The following IL1RL2 variants were observed in gnomAD, a reference collection of about 807,000 sequenced individuals.
The protein encoded by IL1RL2 is interleukin-1 receptor-like 2.
IL1RL2 carries 68 observed loss-of-function variants against 66.8 expected under a neutral mutation model. The ratio of observed to expected loss-of-function variants is 1.02; its 90% CI spans 0.84 to 1.25. The LOEUF is 1.25. IL1RL2 is among the 50% of genes most tolerant of loss of function. IL1RL2 has a pLI of 0.00. For missense variants in IL1RL2, 729 were observed against 709.3 expected (o/e 1.03, Z -0.32); for synonymous variants, 305 against 264.6 (o/e 1.15, Z -1.48).
Position 102,232,970 on chromosome 2 carries a change from G to A in IL1RL2, c.1143G>A (p.Lys381=). The change falls in exon 10 of 12, where the codon AAG becomes AAA. Residue 381 remains lysine (K), a synonymous_variant. Coordinates refer to ENST00000264257, the MANE Select transcript of IL1RL2 (RefSeq NM_003854.4). ...TGTCCAATTCCTTTTCAGATGGGAA[G>A]CTGTATGACGCCTATGTCTTATACC... ...FHSTETIVDG[K]LYDAYVLYPK... The A allele has an allele frequency of 6.2e-7, 1 of 1,606,588 alleles. No individual in the cohort carries two copies. Among genetic ancestry groups the A allele is most frequent in the South Asian group, 1.1e-5 (1 of 90,364 alleles).
intron 8 of IL1RL2, among the ~76,000 whole-genome samples, chr2:102,222,677 A>G (rs1450108681): frequency 2.0e-5 from 3 of 152,182 alleles, no homozygotes; most frequent in African/African-American, 7.2e-5. Context: ...AATGTGCGGT[A>G]GGTCAGTGAG....
intron 6 of IL1RL2, among the ~76,000 whole-genome samples, chr2:102,215,904 GA>G (rs1689574130): frequency 1.3e-5 from 2 of 152,146 alleles, no homozygotes; most frequent in Non-Finnish European, 2.9e-5. Context: ...CATAAAATTA[GA>G]AGAGGTGACT....
chr2:102,210,639 G>T (rs1263024743), intron 5 of IL1RL2, among the ~76,000 whole-genome samples: 1 of 152,146 alleles, frequency 6.6e-6, no homozygotes, highest in Non-Finnish European at 1.5e-5. Flanking sequence ...GAGAAATATG[G>T]CAAGGTCAAA....
In IL1RL2 at chr2:102,237,593, G is replaced by A. The variant is rs762377180; in HGVS notation, c.1679-1599G>A. On this transcript the variant is annotated intron_variant, in intron 11 of 11. Transcript: ENST00000264257. Reference sequence around the variant, plus strand: ...GAAACAGCCTGTTTTAATTAAACTAGCGAATCCTCCATGAGGAATAACGAC... The same window carrying A: ...GAAACAGCCTGTTTTAATTAAACTAACGAATCCTCCATGAGGAATAACGAC... Among the ~76,000 whole-genome samples, 30 of 152,336 alleles carry A rather than the reference G, an allele frequency of 2.0e-4. No individual in the cohort carries two copies. The South Asian group carries it at 2.3e-3, about 12-fold the overall frequency.
At chr2:102,227,160 G>A (rs1422100276) in intron 9 of IL1RL2, among the ~76,000 whole-genome samples, 1 of 152,176 alleles carries the variant, frequency 6.6e-6, no homozygotes, top group Non-Finnish European at 1.5e-5. Flanking sequence ...CTGCTCTAAA[G>A]TCCCCTAATT....
Position 102,195,619 on chromosome 2 carries a change from T to C in IL1RL2, c.489+3499T>C, listed in dbSNP as rs866651551. ...TTTCTTTCTTTCTTTCTTTCTTTCTTTCTTTCTTTCTCTCTCTCTCTCTCT... is the reference window on the plus strand; with the variant it reads ...TTTCTTTCTTTCTTTCTTTCTTTCTCTCTTTCTTTCTCTCTCTCTCTCTCT... On this transcript the variant is annotated intron_variant, in intron 4 of 11. Transcript: ENST00000264257. Among the ~76,000 whole-genome samples, 30 of 14,230 alleles carry C rather than the reference T, an allele frequency of 2.1e-3. 1 individual carries two copies. Among genetic ancestry groups the C allele is most frequent in the Non-Finnish European group, 4.2e-3 (22 of 5,294 alleles). 9.3% of individuals were successfully genotyped at this position (14,230 alleles called of 152,430 possible).
intron 4 of IL1RL2, among the ~76,000 whole-genome samples, chr2:102,196,231 A>T (rs1178522321): frequency 6.6e-6 from 1 of 152,142 alleles, no homozygotes; most frequent in Non-Finnish European, 1.5e-5. Flanking sequence ...CCTTCTGCTA[A>T]CTGAAGCAGG....
At chr2:102,233,202 C>T (rs1183841044) in intron 10 of IL1RL2, 78 bp downstream of exon 10, 38 of 1,373,830 alleles carry the variant, frequency 2.8e-5, no homozygotes, top group South Asian at 4.0e-5. Context: ...TTACTAATGG[C>T]GGTGACTCTG....
chr2:102,192,863 T>C (rs1687353090), intron 4 of IL1RL2, among the ~76,000 whole-genome samples: 1 of 152,232 alleles, frequency 6.6e-6, no homozygotes, highest in Non-Finnish European at 1.5e-5. Flanking sequence ...GTGAAAGAAT[T>C]ACGCAAATTT....
chr2:102,234,934 C>A lies in IL1RL2; in HGVS notation c.1335C>A (p.Cys445Ter). 1 of 1,614,134 alleles carries A rather than the reference C, an allele frequency of 6.2e-7. No homozygotes were observed. Residue 445 changes from cysteine to a stop codon, truncating the protein, a stop_gained, in exon 11 of 12, where the codon TGC becomes TGA. Coordinates refer to ENST00000264257, the MANE Select transcript of IL1RL2 (RefSeq NM_003854.4). LOFTEE classifies it high-confidence loss of function. ...TCATCGATGAAAACGTTAAGCTGTG[C>A]AGGAGGCTGATTGTCATTGTGGTCC... The part of the protein sequence containing the change: ...ANVIDENVKL[C>*]RRLIVIVVPE...
At chr2:102,236,185 T>A (rs974608188) in intron 11 of IL1RL2, among the ~76,000 whole-genome samples, 19 of 152,334 alleles carry the variant, frequency 1.2e-4, no homozygotes, top group African/African-American at 4.6e-4. Context: ...TCCAAGACCC[T>A]GGCCTGAGGG....
At chr2:102,193,681 C>T (rs1687424559) in intron 4 of IL1RL2, among the ~76,000 whole-genome samples, 1 of 152,196 alleles carries the variant, frequency 6.6e-6, no homozygotes, top group Non-Finnish European at 1.5e-5. Context: ...TTCCTACAAC[C>T]TTGTGTTGAA....
At chr2:102,213,835 C>A (rs529963815) in intron 6 of IL1RL2, among the ~76,000 whole-genome samples, 1 of 151,878 alleles carries the variant, frequency 6.6e-6, no homozygotes, top group South Asian at 2.1e-4. Flanking sequence ...AGAATCTGTC[C>A]CAGAGTTGGT....
rs541059048 is a variant in IL1RL2, at chr2:102,197,908, A to C, written c.490-3648A>C. 5.3e-5 allele frequency among the ~76,000 whole-genome samples: 8 copies of C among 152,284 alleles called. No individual in the cohort carries two copies. In the East Asian group the frequency reaches 1.5e-3, roughly 29 times the overall value. ...TTCCCCACTTTCCAGATTGTGGTAG[A>C]GGTAGCGGCTCTCAGGGCAAGCTAC... On this transcript the variant is annotated intron_variant, in intron 4 of 11. Coordinates refer to ENST00000264257, the MANE Select transcript of IL1RL2 (RefSeq NM_003854.4).
intron 5 of IL1RL2, among the ~76,000 whole-genome samples, chr2:102,202,783 A>C (rs562753355): frequency 2.1e-3 from 313 of 152,210 alleles, no homozygotes; most frequent in African/African-American, 7.4e-3. Flanking sequence ...TTTCTTGTGG[A>C]GTCTTTAGGT....
chr2:102,209,770 C>T (rs1337216569), intron 5 of IL1RL2, among the ~76,000 whole-genome samples: 1 of 152,140 alleles, frequency 6.6e-6, no homozygotes, highest in Non-Finnish European at 1.5e-5. Context: ...GGCCTGGCAG[C>T]TTGGAGACCA....
chr2:102,240,195 G>A (rs1040481866), downstream of IL1RL2, among the ~76,000 whole-genome samples: 3 of 152,056 alleles, frequency 2.0e-5, no homozygotes, highest in East Asian at 5.8e-4. Flanking sequence ...CTGTGATTGA[G>A]GCTATAGAGA....
chr2:102,201,602 G>A lies in IL1RL2; in HGVS notation c.536G>A (p.Arg179Lys). Residue 179 changes from arginine (R) to lysine (K), a missense_variant, in exon 5 of 12, where the codon AGG becomes AAG. Physicochemically the swap from Arg to Lys is conservative, Grantham distance 26 (BLOSUM62 2). Coordinates refer to ENST00000264257, the MANE Select transcript of IL1RL2 (RefSeq NM_003854.4). ...KGERFTVLETRLLVSNVSAED... is the reference protein window; with the variant it reads ...KGERFTVLETKLLVSNVSAED... ...GAGCGGTTCACTGTTTTGGAAACCA[G>A]GCTTTTGGTGAGCAATGTCTCGGCA... is the stretch of plus-strand genomic sequence containing the variant. 1 of 1,614,154 alleles carries A rather than the reference G, an allele frequency of 6.2e-7. No individual in the cohort carries two copies. The highest frequency in any genetic ancestry group is 2.2e-5 in the East Asian group (1 of 44,884).
intron 8 of IL1RL2, among the ~76,000 whole-genome samples, chr2:102,224,426 A>G (rs1253440016): frequency 6.6e-6 from 1 of 152,194 alleles, no homozygotes; most frequent in East Asian, 1.9e-4. Flanking sequence ...AGCAAAGTGG[A>G]TGGAACTGGA....
Sources: gnomAD v4.1 joint callset for allele counts (sites outside exome capture counted in the v4.1 genomes callset) on GRCh38, gnomAD v4.1.1 for gene constraint, MANE v1.5 for transcripts, NCBI Gene and HGNC (gene_info 2026-07-23, HGNC 2026-07-21) for gene names.